FBXL7: variants seen among roughly 807,000 people sequenced by gnomAD.
FBXL7 encodes F-box and leucine rich repeat protein 7, also known as F-box/LRR-repeat protein 7.
A neutral mutation model predicts 38.3 loss-of-function variants in FBXL7; 12 were observed. The ratio of observed to expected loss-of-function variants is 0.31; its 90% confidence interval spans 0.20 to 0.51. The LOEUF is 0.51. Among genes scored for constraint, FBXL7 ranks in the 20% least tolerant of loss-of-function variants. The pLI is 0.98. For synonymous variants in FBXL7, 297 were observed against 300.9 expected (o/e 0.99, Z 0.13); for missense variants, 567 against 676.4 (o/e 0.84, Z 1.79).
Position 15,928,634 on chromosome 5 carries a change from C to T in FBXL7, c.739+133C>T, listed in dbSNP as rs1043564200. The T allele has an allele frequency of 1.8e-5, 21 of 1,166,710 alleles. No individual in the cohort carries two copies. The African/African-American group carries it at 2.3e-4, about 13-fold the overall frequency. 72.3% of individuals were successfully genotyped at this position (1,166,710 alleles called of 1,614,324 possible). On this transcript the variant is annotated intron_variant, in intron 3 of 3. Coordinates refer to ENST00000504595, the MANE Select transcript of FBXL7 (RefSeq NM_012304.5). This position sits in a 1 kb window ranked among gnomAD's most constrained non-coding sequence, Gnocchi z 4.0. ...TGGGGGCGGGTGGTAGGGAGGCTGG[C>T]TTTTGCAGAGAAACTGTCTCTATGG...
At chr5:15,798,366 C>G (rs1343821514) in intron 2 of FBXL7, among the ~76,000 whole-genome samples, 1 of 152,188 alleles carries the variant, frequency 6.6e-6, no homozygotes, top group Non-Finnish European at 1.5e-5. Flanking sequence ...TTCTTTTCCT[C>G]CAGTTTCCCC....
intron 2 of FBXL7, among the ~76,000 whole-genome samples, chr5:15,925,418 G>T (rs1453257306): frequency 6.6e-6 from 1 of 152,146 alleles, no homozygotes; most frequent in Non-Finnish European, 1.5e-5. Context: ...AGCACAGCGT[G>T]GATGCACATA....
In FBXL7 at chr5:15,724,269, T is replaced by C. The variant is rs138300628; in HGVS notation, c.127+108197T>C. ...AACTTCCTTTTTAAAAAAATGTTTA[T>C]TTCAAAATACTTTATATTTTTGGTT... On this transcript the variant is annotated intron_variant, in intron 2 of 3. Coordinates refer to ENST00000504595, the MANE Select transcript of FBXL7 (RefSeq NM_012304.5). Among the ~76,000 whole-genome samples the C allele has an allele frequency of 2.6e-3, 396 of 152,296 alleles. 1 individual carries two copies. The highest frequency in any genetic ancestry group is 8.9e-3 in the African/African-American group (372 of 41,576).
chr5:15,590,957 A>G (rs2126480172), intron 1 of FBXL7, among the ~76,000 whole-genome samples: 1 of 152,276 alleles, frequency 6.6e-6, no homozygotes, highest in Middle Eastern at 3.4e-3. Flanking sequence ...AGAATTCTTT[A>G]TAAAGAAGGC....
intron 2 of FBXL7, among the ~76,000 whole-genome samples, chr5:15,763,947 G>C (rs2126701772): frequency 6.6e-6 from 1 of 152,280 alleles, no homozygotes; most frequent in South Asian, 2.1e-4. Context: ...TGAGAACCAG[G>C]GGAGCAGATG....
intron 2 of FBXL7, among the ~76,000 whole-genome samples, chr5:15,850,740 A>G (rs1037582831): frequency 7.2e-5 from 11 of 152,204 alleles, no homozygotes; most frequent in African/African-American, 2.4e-4. Context: ...CCTAGCTGTG[A>G]CTTGAAATCT....
In FBXL7 at chr5:15,605,005, T is replaced by G. The variant is rs532944606; in HGVS notation, c.38-10978T>G. 5.9e-5 allele frequency among the ~76,000 whole-genome samples: 9 copies of G among 152,318 alleles called. No individual in the cohort carries two copies. In the East Asian group the frequency reaches 1.5e-3, roughly 26 times the overall value. ...TGTGACATCTCCTGCTTTGCTGTTC[T>G]GAATTCACTGTGGCCAGTAGCACTG... On this transcript the variant is annotated intron_variant, in intron 1 of 3. Transcript: ENST00000504595.
At chr5:15,803,317 G>C (rs1470250733) in intron 2 of FBXL7, among the ~76,000 whole-genome samples, 9 of 151,978 alleles carry the variant, frequency 5.9e-5, no homozygotes, top group Non-Finnish European at 1.5e-5. Flanking sequence ...ACATCACTCT[G>C]TCTTCTTCTT....
intron 1 of FBXL7, among the ~76,000 whole-genome samples, chr5:15,557,453 C>T (rs964788101): frequency 1.3e-5 from 2 of 151,958 alleles, no homozygotes; most frequent in East Asian, 1.9e-4. Context: ...TAAAGTGAGC[C>T]GTGCATCATT....
At chr5:15,927,766 A>T in intron 2 of FBXL7, 124 bp from the exon 3 acceptor site, 1 of 209,922 alleles carries the variant, frequency 4.8e-6, no homozygotes. Flanking sequence ...CAAGATCTTA[A>T]AAAAAAAAAA....
intron 1 of FBXL7, among the ~76,000 whole-genome samples, chr5:15,504,060 CA>C (rs1736575562): frequency 6.6e-6 from 1 of 152,174 alleles, no homozygotes; most frequent in African/African-American, 2.4e-5. Flanking sequence ...GGGAGCTTGT[CA>C]AAAATGCAAA....
intron 2 of FBXL7, among the ~76,000 whole-genome samples, chr5:15,766,351 C>T (rs1311029923): frequency 6.6e-6 from 1 of 152,172 alleles, no homozygotes; most frequent in African/African-American, 2.4e-5. Flanking sequence ...CCCACCTGCG[C>T]ACTGAGAGAC....
intron 2 of FBXL7, among the ~76,000 whole-genome samples, chr5:15,919,343 A>G (rs1741681203): frequency 6.6e-6 from 1 of 152,184 alleles, no homozygotes; most frequent in Non-Finnish European, 1.5e-5. Context: ...TGTGTGTCTG[A>G]GATGTCTTGA....
chr5:15,509,489 G>A (rs1024485274), intron 1 of FBXL7, among the ~76,000 whole-genome samples: 1 of 152,198 alleles, frequency 6.6e-6, no homozygotes, highest in African/African-American at 2.4e-5. Flanking sequence ...TGAGTGAGAA[G>A]TGGGAAGTGC....
At chr5:15,720,781 G>T (rs1744171688) in intron 2 of FBXL7, among the ~76,000 whole-genome samples, 2 of 117,710 alleles carry the variant, frequency 1.7e-5, no homozygotes, top group East Asian at 2.3e-4. Context: ...AGTATAATAT[G>T]ATGATAAATA....
chr5:15,660,769 A>G (rs1742038396), intron 2 of FBXL7, among the ~76,000 whole-genome samples: 1 of 152,190 alleles, frequency 6.6e-6, no homozygotes, highest in African/African-American at 2.4e-5. Flanking sequence ...TACTACCTAC[A>G]TATTAGCATG....
chr5:15,650,123 C>T (rs1458684695), intron 2 of FBXL7, among the ~76,000 whole-genome samples: 1 of 152,122 alleles, frequency 6.6e-6, no homozygotes, highest in East Asian at 1.9e-4. Context: ...TTTAACTGAG[C>T]CACAGACCAA....
chr5:15,917,870 GA>G (rs1230820181), intron 2 of FBXL7, among the ~76,000 whole-genome samples: 2 of 151,324 alleles, frequency 1.3e-5, no homozygotes, highest in Non-Finnish European at 2.9e-5. Context: ...CTTGCCTTGT[GA>G]AAAAAGTGGC....
chr5:15,846,458 A>G (rs1427935047), intron 2 of FBXL7, among the ~76,000 whole-genome samples: 2 of 152,238 alleles, frequency 1.3e-5, no homozygotes, highest in African/African-American at 4.8e-5. Flanking sequence ...ACAGCAATTT[A>G]TGAATCAGGT....
Sources: allele counts gnomAD v4.1 joint callset (sites outside exome capture counted in the v4.1 genomes callset), GRCh38; gene constraint gnomAD v4.1.1; non-coding constraint Gnocchi (gnomAD v3.1); transcripts MANE v1.5; gene names NCBI Gene and HGNC (gene_info 2026-07-23, HGNC 2026-07-21).